Variants in SNRK observed in about 807,000 individuals in gnomAD.
SNRK encodes SNF related kinase, also known as SNF-related serine/threonine-protein kinase.
A neutral mutation model predicts 48.2 loss-of-function variants in SNRK; 3 were observed. That is an observed-to-expected ratio of 0.06 (90% confidence interval 0.03 to 0.16). The LOEUF is 0.16. Ranked by LOEUF, SNRK falls within the 10% of genes least tolerant of loss-of-function variation. The probability of loss-of-function intolerance (pLI) is 1.00; values close to 1 mark genes in which losing one functional copy is unlikely to be tolerated. For missense variants in SNRK, 627 were observed against 976.0 expected (o/e 0.64, Z 4.76); for synonymous variants, 376 against 366.1 (o/e 1.03, Z -0.31).
intron 1 of SNRK, among the ~76,000 whole-genome samples, chr3:43,287,062 G>GC (rs1291760934): frequency 6.6e-6 from 1 of 150,726 alleles, no homozygotes; most frequent in Non-Finnish European, 1.5e-5. Context: ...CGCCCGCGGG[G>GC]CCCCGCGCCC....
At chr3:43,312,784 G>A (rs1193223006) in intron 3 of SNRK, among the ~76,000 whole-genome samples, 1 of 152,052 alleles carries the variant, frequency 6.6e-6, no homozygotes, top group African/African-American at 2.4e-5. Flanking sequence ...CAAATCAATC[G>A]CTTTTCTGTA....
intron 4 of SNRK, among the ~76,000 whole-genome samples, chr3:43,339,821 ATAT>A (rs2091220024): frequency 1.1e-3 from 3 of 2,620 alleles, no homozygotes; most frequent in Non-Finnish European, 2.0e-3. Flanking sequence ...TTTCCAAAAT[ATAT>A]ATATATATAT....
intron 6 of SNRK, among the ~76,000 whole-genome samples, chr3:43,344,907 CT>C (rs1302376695): frequency 6.6e-6 from 1 of 151,926 alleles, no homozygotes; most frequent in African/African-American, 2.4e-5. Flanking sequence ...GATTTGAACT[CT>C]CTTCTATTCA....
At chr3:43,314,341 G>T (rs1161570034) in intron 3 of SNRK, among the ~76,000 whole-genome samples, 2 of 152,154 alleles carry the variant, frequency 1.3e-5, no homozygotes, top group African/African-American at 4.8e-5. Context: ...TTTAAAAATT[G>T]CTATCCCTGG....
At chr3:43,334,339 T>C (rs1259460234) in intron 4 of SNRK, among the ~76,000 whole-genome samples, 1 of 151,736 alleles carries the variant, frequency 6.6e-6, no homozygotes, top group Non-Finnish European at 1.5e-5. Context: ...CTCACGCCTG[T>C]GGTCTCAGCT....
chr3:43,346,809 T>C (rs1049981045), intron 6 of SNRK: 2 of 152,276 alleles, frequency 1.3e-5, no homozygotes, highest in African/African-American at 4.8e-5. Context: ...TATATGTTTT[T>C]GTATGATGTA....
At chr3:43,314,742 A>G (rs1162979005) in intron 3 of SNRK, among the ~76,000 whole-genome samples, 3 of 152,170 alleles carry the variant, frequency 2.0e-5, no homozygotes, top group South Asian at 2.1e-4. Context: ...ACTTTGAACT[A>G]TTTCAGAAGG....
At chr3:43,335,886 G>A (rs888916320) in intron 4 of SNRK, among the ~76,000 whole-genome samples, 1 of 152,160 alleles carries the variant, frequency 6.6e-6, no homozygotes, top group African/African-American at 2.4e-5. Context: ...TCTTCTGTTG[G>A]CTACCATTTG....
chr3:43,320,105 C>T (rs879861439), intron 3 of SNRK, among the ~76,000 whole-genome samples: 18 of 152,084 alleles, frequency 1.2e-4, no homozygotes, highest in South Asian at 4.1e-4. Flanking sequence ...CCTTTGAATA[C>T]GTGACTCATT....
chr3:43,348,503 TAAG>T lies in SNRK; in HGVS notation c.2245_2247del (p.Lys749del). On this transcript the variant is annotated inframe_deletion, in exon 7 of 7. Coordinates refer to ENST00000296088, the MANE Select transcript of SNRK (RefSeq NM_017719.5). ...TCTCTGTGAACATCCAGCGGAACCC[TAAG>T]GAGGGGCTGCTGTGCGCATCCAGCC... is the stretch of plus-strand genomic sequence containing the variant. The T allele has an allele frequency of 6.3e-7, 1 of 1,577,926 alleles. No homozygotes were observed. The highest frequency in any genetic ancestry group is 8.6e-7 in the Non-Finnish European group (1 of 1,164,184).
chr3:43,299,100 ATGGGGAGGATTCAG>A (rs1472003677), intron 1 of SNRK, among the ~76,000 whole-genome samples: 52 of 152,190 alleles, frequency 3.4e-4, no homozygotes, highest in Non-Finnish European at 5.6e-4. Context: ...ATGCAGTTTC[ATGGGGAGGATTCAG>A]TGAAATGTGA....
At chr3:43,300,670 G>A (rs1559459736) in intron 2 of SNRK, among the ~76,000 whole-genome samples, 1 of 150,234 alleles carries the variant, frequency 6.7e-6, no homozygotes, top group South Asian at 2.1e-4. Flanking sequence ...TTTCTTTTGG[G>A]GAACTGCTGT....
intron 4 of SNRK, among the ~76,000 whole-genome samples, chr3:43,337,320 C>T (rs1477746034): frequency 4.0e-5 from 6 of 150,658 alleles, no homozygotes; most frequent in East Asian, 2.0e-4. Context: ...GCAGTCCACC[C>T]GCCTCAGCCT....
At chr3:43,325,400 C>T (rs909101002) in intron 3 of SNRK, among the ~76,000 whole-genome samples, 4 of 152,156 alleles carry the variant, frequency 2.6e-5, no homozygotes, top group South Asian at 2.1e-4. Context: ...CTCCTGACCT[C>T]GTGATCCACC....
chr3:43,321,632 A>T (rs920988040), intron 3 of SNRK, among the ~76,000 whole-genome samples: 1 of 152,192 alleles, frequency 6.6e-6, no homozygotes, highest in Non-Finnish European at 1.5e-5. Flanking sequence ...GGACCTCCTA[A>T]AGTCAAGTGC....
chr3:43,314,464 A>G (rs2091000798), intron 3 of SNRK, among the ~76,000 whole-genome samples: 1 of 152,176 alleles, frequency 6.6e-6, no homozygotes, highest in Non-Finnish European at 1.5e-5. Flanking sequence ...ATAATATGCC[A>G]GCTTTTGGAA....
intron 3 of SNRK, among the ~76,000 whole-genome samples, chr3:43,307,020 G>C (rs1248996051): frequency 6.6e-6 from 1 of 151,930 alleles, no homozygotes; most frequent in Admixed American, 6.6e-5. Flanking sequence ...TTGTATACTT[G>C]GAGTTTTTAT....
chr3:43,302,457 A>T (rs1197706796), intron 2 of SNRK, among the ~76,000 whole-genome samples: 1 of 152,110 alleles, frequency 6.6e-6, no homozygotes, highest in Non-Finnish European at 1.5e-5. Flanking sequence ...GAAGAAAAAA[A>T]AATAGAACCT....
Position 43,303,595 on chromosome 3 carries a change from A to G in SNRK, c.392A>G (p.His131Arg). The part of the protein sequence containing the change: ...AQIVHAISYC[H>R]KLHVVHRDLK... ...ATAGTTCATGCTATATCTTATTGCC[A>G]TAAACTCCATGTGGTTCACAGAGAC... is the stretch of plus-strand genomic sequence containing the variant. The change falls in exon 3 of 7, where the codon CAT (histidine) becomes CGT (arginine). Residue 131 changes from histidine to arginine, a missense_variant. Transcript: ENST00000296088. The surrounding 1 kb of genome is among the most constrained non-coding windows in gnomAD (Gnocchi z 6.2). 1 of 1,614,184 alleles carries G rather than the reference A, an allele frequency of 6.2e-7. No individual in the cohort carries two copies. The highest frequency in any genetic ancestry group is 8.5e-7 in the Non-Finnish European group (1 of 1,180,018).
Sources: allele counts gnomAD v4.1 joint callset (sites outside exome capture counted in the v4.1 genomes callset), GRCh38; gene constraint gnomAD v4.1.1; non-coding constraint Gnocchi (gnomAD v3.1); transcripts MANE v1.5; gene names NCBI Gene and HGNC (gene_info 2026-07-23, HGNC 2026-07-21).